The following HDAC9 variants were observed in gnomAD, a reference collection of about 807,000 sequenced individuals.
HDAC9 encodes histone deacetylase 9.
HDAC9 carries 41 observed loss-of-function variants against 139.4 expected under a neutral mutation model. The observed-to-expected ratio is 0.29, with a 90% CI of 0.23 to 0.38. The LOEUF is 0.38. Ranked by LOEUF, HDAC9 falls within the 10% of genes least tolerant of loss-of-function variation. The probability of loss-of-function intolerance (pLI) is 1.00; values close to 1 mark genes in which losing one functional copy is unlikely to be tolerated. For synonymous variants in HDAC9, 517 were observed against 476.2 expected, an observed-to-expected ratio of 1.09 and a Z score of -1.12; for missense variants, 1,147 against 1,297.0, an observed-to-expected ratio of 0.88 and a Z score of 1.78.
chr7:18,490,882 A>T (rs1387475484), upstream of HDAC9, among the ~76,000 whole-genome samples: 4 of 151,992 alleles, frequency 2.6e-5, no homozygotes, highest in Non-Finnish European at 5.9e-5. Context: ...AGCAGCAGTT[A>T]TTGGTGAGTA....
At chr7:18,278,005 G>A (rs1322299868) in intron 2 of HDAC9, among the ~76,000 whole-genome samples, 2 of 152,130 alleles carry the variant, frequency 1.3e-5, no homozygotes, top group Non-Finnish European at 2.9e-5. Flanking sequence ...TTCAGCTAGT[G>A]ACATCAGAAC....
chr7:18,513,254 T>C (rs1342471442), intron 2 of HDAC9, among the ~76,000 whole-genome samples: 1 of 152,226 alleles, frequency 6.6e-6, no homozygotes, highest in East Asian at 1.9e-4. Flanking sequence ...GCAGGGACTT[T>C]AGTAAAGTGG....
At chr7:18,491,991 C>G (rs1349682670), upstream of HDAC9, among the ~76,000 whole-genome samples, 1 of 152,000 alleles carries the variant, frequency 6.6e-6, no homozygotes, top group Admixed American at 6.6e-5. Context: ...CCCTTGTCAA[C>G]TTGGCTCCCG....
chr7:18,234,632 A>G (rs566188458), intron 2 of HDAC9, among the ~76,000 whole-genome samples: 2 of 152,192 alleles, frequency 1.3e-5, no homozygotes, highest in African/African-American at 2.4e-5. Context: ...CTGGTGAGAA[A>G]CCAAGTCTGT....
At chr7:18,897,731 G>C (rs1371442013) in intron 22 of HDAC9, among the ~76,000 whole-genome samples, 2 of 150,982 alleles carry the variant, frequency 1.3e-5, no homozygotes, top group Non-Finnish European at 3.0e-5. Flanking sequence ...TATATGTGTA[G>C]AATGAGTATA....
In HDAC9 at chr7:18,762,247, G is replaced by A. The variant is rs1487626418; in HGVS notation, c.2134G>A (p.Gly712Arg). ...SLLYGTNPLD[G>R]QKLDPRILLG... ...GTTGTATGGCACCAACCCCCTGGAC[G>A]GACAGAAGCTGGACCCCAGGATACT... is the stretch of plus-strand genomic sequence containing the variant. The change falls in exon 15 of 26, where the codon GGA becomes AGA. Residue 712 changes from glycine (G) to arginine (R), a missense_variant. Gly to Arg is a moderately radical substitution (Grantham distance 125, BLOSUM62 -2). Around this residue, in one of 7 missense-constraint regions of HDAC9, gnomAD observed 407 missense variants for 521.5 expected, o/e 0.78. Coordinates refer to ENST00000686413, the MANE Select transcript of HDAC9 (RefSeq NM_178425.4). The A allele has an allele frequency of 4.3e-6, 7 of 1,613,436 alleles. No individual in the cohort carries two copies. Among genetic ancestry groups the A allele is most frequent in the Admixed American group, 1.7e-5 (1 of 59,962 alleles).
chr7:18,689,628 C>A (rs190337485), intron 12 of HDAC9, among the ~76,000 whole-genome samples: 80 of 152,064 alleles, frequency 5.3e-4, no homozygotes, highest in Middle Eastern at 3.4e-3. Context: ...AATGTTGTTT[C>A]TAACTGGTTT....
At chr7:18,627,296 C>T (rs907537374) in intron 6 of HDAC9, among the ~76,000 whole-genome samples, 1 of 152,066 alleles carries the variant, frequency 6.6e-6, no homozygotes, top group African/African-American at 2.4e-5. Flanking sequence ...GCATTTAATC[C>T]ATTAGGTTGC....
intron 16 of HDAC9, among the ~76,000 whole-genome samples, chr7:18,772,600 C>A (rs1006636354): frequency 6.6e-6 from 1 of 151,998 alleles, no homozygotes; most frequent in African/African-American, 2.4e-5. Context: ...CTGTTGCTAT[C>A]AAAGAGGTAT....
At chr7:18,932,976 A>T (rs1185154774) in intron 22 of HDAC9, among the ~76,000 whole-genome samples, 1 of 152,138 alleles carries the variant, frequency 6.6e-6, no homozygotes, top group African/African-American at 2.4e-5. Flanking sequence ...AAACTCCACA[A>T]CCAGTCTTGC....
intron 13 of HDAC9, among the ~76,000 whole-genome samples, chr7:18,739,618 C>T (rs376241585): frequency 1.3e-5 from 2 of 152,202 alleles, no homozygotes; most frequent in African/African-American, 4.8e-5. Context: ...AATATTGCAG[C>T]CTGATCCTTC....
intron 22 of HDAC9, among the ~76,000 whole-genome samples, chr7:18,931,861 G>C (rs961330651): frequency 6.6e-6 from 1 of 152,084 alleles, no homozygotes; most frequent in African/African-American, 2.4e-5. Flanking sequence ...AGGATGAATA[G>C]GTAAATCACA....
Position 18,701,415 on chromosome 7 carries a change from A to C in HDAC9, c.1732-26165A>C, listed in dbSNP as rs539199467. ...TCTGATTTAAAAAAAAACAAAACAAACAAAAAAAAAAAACACAACTGTACT... is the reference window on the plus strand; with the variant it reads ...TCTGATTTAAAAAAAAACAAAACAACCAAAAAAAAAAAACACAACTGTACT... On this transcript the variant is annotated intron_variant, in intron 12 of 25. Coordinates refer to ENST00000686413, the MANE Select transcript of HDAC9 (RefSeq NM_178425.4). Among the ~76,000 whole-genome samples, 497 of 135,176 alleles carry C rather than the reference A, an allele frequency of 3.7e-3. 4 individuals carry two copies. The highest frequency in any genetic ancestry group is 0.016 in the African/African-American group (482 of 29,734). The allele number at this position is 135,176 out of a possible 152,430, so 88.7% of individuals were successfully genotyped here. A position where few individuals can be genotyped will look rare whatever the true frequency, so the allele number is the denominator to read the frequency against.
chr7:18,127,828 GATT>G (rs1024404467), intron 1 of HDAC9, among the ~76,000 whole-genome samples: 4 of 151,774 alleles, frequency 2.6e-5, no homozygotes, highest in African/African-American at 4.8e-5. Flanking sequence ...TCTAAAATTT[GATT>G]ATTATTATTA....
At chr7:18,830,699 T>G (rs1282917551) in intron 19 of HDAC9, among the ~76,000 whole-genome samples, 1 of 152,218 alleles carries the variant, frequency 6.6e-6, no homozygotes, top group African/African-American at 2.4e-5. Flanking sequence ...TTTCACACAC[T>G]ATATTGAAGC....
intron 3 of HDAC9, among the ~76,000 whole-genome samples, chr7:18,588,391 A>G (rs982992398): frequency 5.3e-5 from 8 of 152,162 alleles, no homozygotes; most frequent in Non-Finnish European, 1.0e-4. Flanking sequence ...GGATTTTGGA[A>G]TATTTACATA....
intron 23 of HDAC9, among the ~76,000 whole-genome samples, chr7:18,936,796 T>C (rs1781666763): frequency 1.3e-5 from 2 of 152,180 alleles, no homozygotes; most frequent in East Asian, 3.8e-4. Flanking sequence ...ATCATTCATA[T>C]CATTTTTTTA....
At chr7:18,830,217 C>A (rs991921396) in intron 19 of HDAC9, among the ~76,000 whole-genome samples, 8 of 152,136 alleles carry the variant, frequency 5.3e-5, no homozygotes, top group Admixed American at 5.2e-4. Flanking sequence ...AGCTGGAGAT[C>A]TGGAGATCTG....
intron 2 of HDAC9, among the ~76,000 whole-genome samples, chr7:18,534,594 A>G (rs1467813281): frequency 6.6e-6 from 1 of 152,172 alleles, no homozygotes; most frequent in Non-Finnish European, 1.5e-5. Flanking sequence ...CTTGCGTACT[A>G]GTGTCTGCAT....
Sources: gnomAD v4.1 joint callset for allele counts (sites outside exome capture counted in the v4.1 genomes callset) on GRCh38, gnomAD v4.1.1 for gene constraint, gnomAD v4.1.1 regional missense constraint, MANE v1.5 for transcripts, NCBI Gene and HGNC (gene_info 2026-07-23, HGNC 2026-07-21) for gene names.